Variants in COP1 observed in about 807,000 individuals in gnomAD.
COP1 encodes the protein COP1 E3 ubiquitin ligase.
A neutral mutation model predicts 101.3 loss-of-function variants in COP1; 24 were observed. The observed-to-expected ratio is 0.24, with a 90% CI of 0.17 to 0.33. COP1 has a LOEUF of 0.33. COP1 is among the 10% of genes least tolerant of loss of function. The probability of loss-of-function intolerance (pLI) is 1.00; values close to 1 mark genes in which losing one functional copy is unlikely to be tolerated. For missense variants in COP1, 663 were observed against 906.2 expected, an observed-to-expected ratio of 0.73 and a Z score of 3.45; for synonymous variants, 347 against 341.9, an observed-to-expected ratio of 1.01 and a Z score of -0.17.
intron 15 of COP1, among the ~76,000 whole-genome samples, chr1:175,993,341 C>G (rs1659168726): frequency 6.6e-6 from 1 of 152,200 alleles, no homozygotes; most frequent in South Asian, 2.1e-4. Context: ...GAGTGCCTCT[C>G]CTCCTCCAAA....
At chr1:176,025,707 T>G (rs746050326) in intron 15 of COP1, among the ~76,000 whole-genome samples, 1 of 151,882 alleles carries the variant, frequency 6.6e-6, no homozygotes, top group Non-Finnish European at 1.5e-5. Context: ...CTGAGCAACA[T>G]GGCAAAACCT....
At chr1:176,038,001 T>C (rs1405427650) in intron 14 of COP1, among the ~76,000 whole-genome samples, 4 of 152,176 alleles carry the variant, frequency 2.6e-5, no homozygotes, top group African/African-American at 9.7e-5. Flanking sequence ...AGTATTTATG[T>C]TTCTATTTGC....
chr1:176,090,711 G>A (rs1048651928), intron 9 of COP1, among the ~76,000 whole-genome samples: 1 of 152,132 alleles, frequency 6.6e-6, no homozygotes, highest in Non-Finnish European at 1.5e-5. Context: ...TGCCTAGAAT[G>A]TAGGATAAAA....
At chr1:176,047,939 G>C (rs1671791857) in intron 11 of COP1, among the ~76,000 whole-genome samples, 1 of 152,012 alleles carries the variant, frequency 6.6e-6, no homozygotes, top group African/African-American at 2.4e-5. Context: ...GTGAGGCATA[G>C]TGATGGGTTC....
At chr1:175,966,898 A>T (rs1652128861) in intron 18 of COP1, among the ~76,000 whole-genome samples, 1 of 152,168 alleles carries the variant, frequency 6.6e-6, no homozygotes, top group South Asian at 2.1e-4. Flanking sequence ...TGACAGGCCA[A>T]ATTCCCACTC....
intron 9 of COP1, among the ~76,000 whole-genome samples, chr1:176,111,197 G>C (rs1322105756): frequency 6.6e-6 from 1 of 152,122 alleles, no homozygotes; most frequent in East Asian, 1.9e-4. Context: ...TCACAGAGTA[G>C]CTCTGAAAGT....
At chr1:175,979,015 T>G (rs1655202695) in intron 18 of COP1, among the ~76,000 whole-genome samples, 1 of 152,164 alleles carries the variant, frequency 6.6e-6, no homozygotes, top group Non-Finnish European at 1.5e-5. Flanking sequence ...TATTCATAAT[T>G]ATAACTGTTT....
chr1:176,182,569 A>G lies in COP1; in HGVS notation c.467+2064T>C, dbSNP rs78129579. ...CTACGACAAAGAATTATCTGGTCTA[A>G]TATGTCAATAGTGACAAGGTTGAGA... is the stretch of plus-strand genomic sequence containing the variant. On this transcript the variant is annotated intron_variant, in intron 2 of 19. Coordinates refer to ENST00000367669, the MANE Select transcript of COP1 (RefSeq NM_022457.7). Among the ~76,000 whole-genome samples, 710 of 152,368 alleles carry G rather than the reference A, an allele frequency of 4.7e-3. 8 individuals carry two copies. The highest frequency in any genetic ancestry group is 7.0e-3 in the Non-Finnish European group (473 of 68,028).
At chr1:176,112,616 CTA>C (rs1685491712) in intron 9 of COP1, among the ~76,000 whole-genome samples, 1 of 152,182 alleles carries the variant, frequency 6.6e-6, no homozygotes, top group Admixed American at 6.5e-5. Context: ...AAAGTAATAA[CTA>C]TAATTTCCCT....
chr1:176,108,638 C>A (rs951293688), intron 9 of COP1, among the ~76,000 whole-genome samples: 2 of 151,784 alleles, frequency 1.3e-5, no homozygotes, highest in Non-Finnish European at 2.9e-5. Context: ...TTGGAACATC[C>A]CTTTGATTTT....
intron 11 of COP1, among the ~76,000 whole-genome samples, chr1:176,070,209 A>G (rs1676716573): frequency 6.6e-6 from 1 of 152,178 alleles, no homozygotes; most frequent in Non-Finnish European, 1.5e-5. Flanking sequence ...TTCAAGGTCA[A>G]CATCAAATCA....
chr1:176,207,282 C>G lies in COP1; in HGVS notation c.-304G>C, dbSNP rs1242717744. On this transcript the variant is annotated 5_prime_UTR_variant, in exon 1 of 20. Coordinates refer to ENST00000367669, the MANE Select transcript of COP1 (RefSeq NM_022457.7). ...CCGTGGCCGGCCGTGCGCGCGCGCGCGAGCGGCGGAAGAGGCGGGCGTGGC... is the reference window on the plus strand; with the variant it reads ...CCGTGGCCGGCCGTGCGCGCGCGCGGGAGCGGCGGAAGAGGCGGGCGTGGC... The G allele has an allele frequency of 1.8e-5, 7 of 385,928 alleles. No homozygotes were observed. Among genetic ancestry groups the G allele is most frequent in the African/African-American group, 4.2e-5 (2 of 47,986 alleles). The allele number at this position is 385,928 out of a possible 1,614,324, so 23.9% of individuals were successfully genotyped here. A position where few individuals can be genotyped will look rare whatever the true frequency, so the allele number is the denominator to read the frequency against.
At chr1:176,094,220 T>C (rs1219792224) in intron 9 of COP1, among the ~76,000 whole-genome samples, 2 of 152,114 alleles carry the variant, frequency 1.3e-5, no homozygotes, top group Non-Finnish European at 2.9e-5. Context: ...ATTATTTTCC[T>C]GTATTTATTC....
intron 15 of COP1, among the ~76,000 whole-genome samples, chr1:176,001,349 T>C (rs1661550141): frequency 6.6e-6 from 1 of 152,122 alleles, no homozygotes; most frequent in South Asian, 2.1e-4. Context: ...ATGCTATGTT[T>C]TCTAAGGATC....
intron 18 of COP1, among the ~76,000 whole-genome samples, 173 bp downstream of exon 18, chr1:175,986,769 AC>A (rs1436502639): frequency 1.3e-5 from 2 of 152,232 alleles, no homozygotes; most frequent in Admixed American, 1.3e-4. Flanking sequence ...TTGCTCTATT[AC>A]TATGCATTTC....
At chr1:176,129,281 A>C (rs1035953721) in intron 8 of COP1, among the ~76,000 whole-genome samples, 1 of 151,906 alleles carries the variant, frequency 6.6e-6, no homozygotes, top group Admixed American at 6.6e-5. Flanking sequence ...ACAGAAATAC[A>C]AATAAAAGGT....
At chr1:176,192,904 TAAG>T (rs1325521563) in intron 1 of COP1, among the ~76,000 whole-genome samples, 1 of 152,320 alleles carries the variant, frequency 6.6e-6, no homozygotes, top group East Asian at 1.9e-4. Context: ...TTTCAGTAGT[TAAG>T]TTTTATTTCA....
chr1:175,952,971 T>C (rs1157484175), intron 18 of COP1, among the ~76,000 whole-genome samples: 1 of 152,140 alleles, frequency 6.6e-6, no homozygotes, highest in Non-Finnish European at 1.5e-5. Context: ...TAGATAAATA[T>C]AAAAGATATT....
At position 175,988,430 on chromosome 1, in the gene COP1, G is replaced by A. The variant is rs771081169; in HGVS notation, c.1848-18C>T. Reference sequence around the variant, plus strand: ...CTGTTGAGCTGAGGAAAAGTACAAAGAGTAAGAACTTACTTAAAATTTCTT... The same window carrying A: ...CTGTTGAGCTGAGGAAAAGTACAAAAAGTAAGAACTTACTTAAAATTTCTT... On this transcript the variant is annotated intron_variant, in intron 16 of 19. Coordinates refer to ENST00000367669, the MANE Select transcript of COP1 (RefSeq NM_022457.7). 4.5e-6 allele frequency: 7 copies of A among 1,564,018 alleles called. No individual in the cohort carries two copies. The South Asian group carries it at 8.2e-5, about 18-fold the overall frequency.
Sources: allele counts gnomAD v4.1 joint callset (sites outside exome capture counted in the v4.1 genomes callset), GRCh38; gene constraint gnomAD v4.1.1; transcripts MANE v1.5; gene names NCBI Gene and HGNC (gene_info 2026-07-23, HGNC 2026-07-21).